KIDINS220: variants seen among roughly 807,000 people sequenced by gnomAD.
The protein encoded by KIDINS220 is kinase D interacting substrate 220.
A neutral mutation model predicts 157.6 loss-of-function variants in KIDINS220; 63 were observed. The observed-to-expected ratio is 0.40, with a 90% CI of 0.33 to 0.49. KIDINS220 has a LOEUF of 0.49. KIDINS220 is among the 20% of genes least tolerant of loss of function. The probability of loss-of-function intolerance (pLI) is 0.66; values close to 1 mark genes in which losing one functional copy is unlikely to be tolerated. For missense variants in KIDINS220, 1,772 were observed against 2,171.2 expected (o/e 0.82, Z 3.65); for synonymous variants, 732 against 783.6 (o/e 0.93, Z 1.10).
At chr2:8,732,483 G>A (rs1664260777) in intron 29 of KIDINS220, among the ~76,000 whole-genome samples, 1 of 152,212 alleles carries the variant, frequency 6.6e-6, no homozygotes, top group African/African-American at 2.4e-5. Context: ...ATGCAATGAG[G>A]CCAATAGTTG....
intron 26 of KIDINS220, among the ~76,000 whole-genome samples, chr2:8,738,804 A>G (rs2147985083): frequency 6.6e-6 from 1 of 152,342 alleles, no homozygotes; most frequent in South Asian, 2.1e-4. Context: ...AAATTCATAT[A>G]AAGTCTGTAG....
chr2:8,723,295 T>C (rs1016323535), downstream of KIDINS220: 4 of 152,282 alleles, frequency 2.6e-5, no homozygotes, highest in African/African-American at 9.6e-5. Flanking sequence ...TCCTCCACTC[T>C]CTTCCCCTGT....
intron 26 of KIDINS220, among the ~76,000 whole-genome samples, chr2:8,745,851 A>T (rs1453090189): frequency 1.3e-5 from 2 of 152,228 alleles, no homozygotes; most frequent in African/African-American, 4.8e-5. Context: ...TAAAAATTAC[A>T]GATAAACTTA....
chr2:8,767,127 T>C (rs546923526), intron 22 of KIDINS220, among the ~76,000 whole-genome samples: 2 of 152,286 alleles, frequency 1.3e-5, no homozygotes, highest in African/African-American at 4.8e-5. Flanking sequence ...CTCTCCTATA[T>C]GGGGAATTAT....
chr2:8,800,322 G>A lies in KIDINS220; in HGVS notation c.900+78C>T, dbSNP rs1674517051. 5 of 844,898 alleles carry A rather than the reference G, an allele frequency of 5.9e-6. No homozygotes were observed. The South Asian group carries it at 1.1e-4, about 18-fold the overall frequency. 52.3% of individuals were successfully genotyped at this position (844,898 alleles called of 1,614,324 possible). A position where few individuals can be genotyped will look rare whatever the true frequency, so the allele number is the denominator to read the frequency against. On this transcript the variant is annotated intron_variant, in intron 9 of 29. Transcript: ENST00000256707. ...CAAGTTTATCTCCATAGGAAAGTGG[G>A]AAGAATAACATTATGATCAGTCAAC...
chr2:8,779,266 A>G, intron 18 of KIDINS220, 127 bp from the exon 19 acceptor site: 1 of 1,267,824 alleles, frequency 7.9e-7, no homozygotes, highest in East Asian at 2.5e-5. Flanking sequence ...TTTCATCAAA[A>G]CTTACTCTGC....
At chr2:8,728,034 C>T (rs1475225935), downstream of KIDINS220, among the ~76,000 whole-genome samples, 1 of 152,142 alleles carries the variant, frequency 6.6e-6, no homozygotes, top group Non-Finnish European at 1.5e-5. Context: ...ACAGTGAAGG[C>T]AAAATGGTAT....
chr2:8,769,992 T>G (rs1185556354), intron 22 of KIDINS220, among the ~76,000 whole-genome samples: 3 of 152,168 alleles, frequency 2.0e-5, no homozygotes, highest in African/African-American at 7.2e-5. Flanking sequence ...AACCAGTTAT[T>G]TACTTAGAAA....
chr2:8,826,912 C>A, intron 2 of KIDINS220, 74 bp downstream of exon 2: 1 of 747,672 alleles, frequency 1.3e-6, no homozygotes, highest in Non-Finnish European at 2.3e-6. Flanking sequence ...ATTTCTTACA[C>A]ACTTCTATCC....
chr2:8,836,567 G>A (rs1461148977), intron 1 of KIDINS220, among the ~76,000 whole-genome samples: 1 of 152,228 alleles, frequency 6.6e-6, no homozygotes, highest in East Asian at 1.9e-4. Flanking sequence ...ACCCCAAAAT[G>A]ATTCTGATGA....
intron 26 of KIDINS220, among the ~76,000 whole-genome samples, chr2:8,741,753 A>G (rs561718098): frequency 6.6e-6 from 1 of 152,342 alleles, no homozygotes; most frequent in South Asian, 2.1e-4. Context: ...GTTTAGGAAA[A>G]AAGTTTTCTT....
intron 29 of KIDINS220, among the ~76,000 whole-genome samples, chr2:8,732,919 C>T (rs1056557669): frequency 2.6e-5 from 4 of 152,270 alleles, no homozygotes; most frequent in East Asian, 3.9e-4. Flanking sequence ...CTGCCCCTAC[C>T]CCTACCCCTC....
intron 9 of KIDINS220, among the ~76,000 whole-genome samples, chr2:8,798,792 A>G (rs1182625400): frequency 2.6e-5 from 4 of 152,194 alleles, no homozygotes; most frequent in African/African-American, 9.7e-5. Context: ...CAGATCTTTA[A>G]AATCTTATCT....
chr2:8,731,630 T>C lies in KIDINS220; in HGVS notation c.4406A>G (p.Asp1469Gly). Reference sequence around the variant, plus strand: ...AGTGATAGGATCCAGGGGGGAAGCATCGTTGGTGGAAACCCCTGATGATGA... The same window carrying C: ...AGTGATAGGATCCAGGGGGGAAGCACCGTTGGTGGAAACCCCTGATGATGA... Reference protein sequence around the residue: ...DYSSSGVSTNDASPLDPITEE... With the variant: ...DYSSSGVSTNGASPLDPITEE... Residue 1469 changes from aspartate (D) to glycine (G), a missense_variant, in exon 30 of 30, where the codon GAT (aspartate) becomes GGT (glycine). This residue lies in a region of KIDINS220 where 793 missense variants were observed against 885.5 expected (regional missense o/e 0.90). Coordinates refer to ENST00000256707, the MANE Select transcript of KIDINS220 (RefSeq NM_020738.4). This position sits in a 1 kb window ranked among gnomAD's most constrained non-coding sequence, Gnocchi z 5.2. The C allele has an allele frequency of 6.2e-7, 1 of 1,614,204 alleles. No homozygotes were observed. Among genetic ancestry groups the C allele is most frequent in the Non-Finnish European group, 8.5e-7 (1 of 1,180,036 alleles).
chr2:8,776,950 G>C, intron 20 of KIDINS220, 58 bp from the exon 21 acceptor site: 1 of 1,537,322 alleles, frequency 6.5e-7, no homozygotes, highest in Non-Finnish European at 8.8e-7. Context: ...AGAACTTAAG[G>C]CTTTTTGAGA....
intron 17 of KIDINS220, among the ~76,000 whole-genome samples, chr2:8,782,862 G>A (rs1049852007): frequency 4.6e-5 from 7 of 152,080 alleles, no homozygotes; most frequent in Admixed American, 1.3e-4. Flanking sequence ...AGGTAGGGCC[G>A]GTTCCACATT....
At chr2:8,732,145 A>G (rs1438081485) in intron 29 of KIDINS220, among the ~76,000 whole-genome samples, 163 bp from the exon 30 acceptor site, 1 of 152,242 alleles carries the variant, frequency 6.6e-6, no homozygotes, top group Non-Finnish European at 1.5e-5. Flanking sequence ...AAAAGCTGTG[A>G]CCTTATAATG....
chr2:8,803,199 A>G (rs1299357684), intron 7 of KIDINS220, 72 bp from the exon 8 acceptor site: 5 of 1,227,938 alleles, frequency 4.1e-6, no homozygotes, highest in African/African-American at 1.5e-5. Context: ...AAAATATATG[A>G]TTTATGCCAT....
At chr2:8,821,931 G>A (rs1170524571) in intron 2 of KIDINS220, among the ~76,000 whole-genome samples, 1 of 152,140 alleles carries the variant, frequency 6.6e-6, no homozygotes, top group Non-Finnish European at 1.5e-5. Flanking sequence ...AAATGTATCA[G>A]TAAAGATCCT....
Sources: gnomAD v4.1 joint callset for allele counts (sites outside exome capture counted in the v4.1 genomes callset) on GRCh38, gnomAD v4.1.1 for gene constraint, gnomAD v4.1.1 regional missense constraint, Gnocchi (gnomAD v3.1) non-coding constraint, MANE v1.5 for transcripts, NCBI Gene and HGNC (gene_info 2026-07-23, HGNC 2026-07-21) for gene names.